SLC16A10: variants seen among roughly 807,000 people sequenced by gnomAD.
SLC16A10 encodes solute carrier family 16 member 10.
A neutral mutation model predicts 40.0 loss-of-function variants in SLC16A10; 27 were observed. The observed-to-expected ratio is 0.67, with a 90% CI of 0.50 to 0.93. The LOEUF is 0.93. Ranked by LOEUF, SLC16A10 falls within the 40% of genes least tolerant of loss-of-function variation. SLC16A10 has a pLI of 0.00. For missense variants in SLC16A10, 529 were observed against 658.2 expected (o/e 0.80, Z 2.15); for synonymous variants, 213 against 249.8 (o/e 0.85, Z 1.39).
chr6:111,103,546 TG>T (rs1239100198), intron 1 of SLC16A10, among the ~76,000 whole-genome samples: 1 of 152,182 alleles, frequency 6.6e-6, no homozygotes, highest in Non-Finnish European at 1.5e-5. Context: ...GCACAAAATA[TG>T]TACTGAGAGC....
intron 1 of SLC16A10, among the ~76,000 whole-genome samples, chr6:111,151,772 C>T (rs1244428286): frequency 6.6e-6 from 1 of 152,190 alleles, no homozygotes; most frequent in Non-Finnish European, 1.5e-5. Flanking sequence ...ATGCTATTCC[C>T]TTTACATGGA....
intron 1 of SLC16A10, among the ~76,000 whole-genome samples, chr6:111,143,992 A>G (rs1458457984): frequency 6.6e-6 from 1 of 152,022 alleles, no homozygotes; most frequent in African/African-American, 2.4e-5. Flanking sequence ...TTTGGATTAT[A>G]ATGATGTTTC....
chr6:111,191,423 T>G, intron 3 of SLC16A10, among the ~76,000 whole-genome samples: 1 of 152,218 alleles, frequency 6.6e-6, no homozygotes, highest in East Asian at 1.9e-4. Flanking sequence ...CTATCACTGA[T>G]GGGCATTTGG....
chr6:111,156,712 A>G (rs1772276603), intron 1 of SLC16A10, among the ~76,000 whole-genome samples: 1 of 152,178 alleles, frequency 6.6e-6, no homozygotes. Context: ...TAGAAAAAGG[A>G]TATTAGTTAA....
chr6:111,140,734 G>A (rs1304066852), intron 1 of SLC16A10, among the ~76,000 whole-genome samples: 1 of 152,062 alleles, frequency 6.6e-6, no homozygotes, highest in Non-Finnish European at 1.5e-5. Context: ...TAATGTTATG[G>A]CATTAAATAA....
chr6:111,171,639 A>G (rs1324753854), intron 1 of SLC16A10, among the ~76,000 whole-genome samples: 1 of 152,076 alleles, frequency 6.6e-6, no homozygotes, highest in African/African-American at 2.4e-5. Flanking sequence ...AACCTGGCAA[A>G]ACCTTGTTTC....
chr6:111,146,255 C>A (rs985471821), intron 1 of SLC16A10, among the ~76,000 whole-genome samples: 8 of 152,108 alleles, frequency 5.3e-5, no homozygotes, highest in Non-Finnish European at 1.2e-4. Context: ...AAGTCACACC[C>A]ATTAGGATGG....
At chr6:111,137,583 G>A (rs1006130801) in intron 1 of SLC16A10, among the ~76,000 whole-genome samples, 3 of 152,184 alleles carry the variant, frequency 2.0e-5, no homozygotes, top group Non-Finnish European at 4.4e-5. Flanking sequence ...CCCTTGGACC[G>A]GCCTGCTAGT....
chr6:111,168,679 A>G (rs961988122), intron 1 of SLC16A10, among the ~76,000 whole-genome samples: 12 of 152,264 alleles, frequency 7.9e-5, no homozygotes, highest in Non-Finnish European at 1.6e-4. Flanking sequence ...ATCAGAAGAC[A>G]GACCTAACTT....
chr6:111,100,971 TCTCTCTC>T (rs1771168830), intron 1 of SLC16A10, among the ~76,000 whole-genome samples: 1 of 122,254 alleles, frequency 8.2e-6, no homozygotes, highest in Non-Finnish European at 1.7e-5. Flanking sequence ...TCTCTCTCTC[TCTCTCTC>T]TCTCTCTCTC....
At chr6:111,173,679 A>T (rs1772628504) in intron 2 of SLC16A10, among the ~76,000 whole-genome samples, 1 of 151,754 alleles carries the variant, frequency 6.6e-6, no homozygotes, top group South Asian at 2.1e-4. Flanking sequence ...TCTAGGTTGC[A>T]CTCCCCTTAT....
intron 1 of SLC16A10, among the ~76,000 whole-genome samples, chr6:111,125,916 A>G (rs755182852): frequency 6.6e-6 from 1 of 152,006 alleles, no homozygotes; most frequent in Non-Finnish European, 1.5e-5. Context: ...AAATCTTTGA[A>G]CTCAAATACT....
rs906114412 is a variant in SLC16A10 at position 111,218,346 on chromosome 6, G to T, written c.1087-468G>T. Among the ~76,000 whole-genome samples the T allele has an allele frequency of 3.3e-5, 5 of 152,168 alleles. No homozygotes were observed. In the South Asian group the frequency reaches 8.3e-4, roughly 25 times the overall value. ...TGTAATCCCAGCACTTTGGGAGGCC[G>T]GGCAGGTGGATCACTTGAGGTCAGG... On this transcript the variant is annotated intron_variant, in intron 4 of 5. Transcript: ENST00000368851.
At chr6:111,099,358 C>T (rs1771131418) in intron 1 of SLC16A10, among the ~76,000 whole-genome samples, 1 of 152,146 alleles carries the variant, frequency 6.6e-6, no homozygotes, top group South Asian at 2.1e-4. Flanking sequence ...CTCTGCTGCC[C>T]AGGCTGAAGC....
chr6:111,136,292 C>T (rs1300921087), intron 1 of SLC16A10, among the ~76,000 whole-genome samples: 1 of 152,162 alleles, frequency 6.6e-6, no homozygotes, highest in Non-Finnish European at 1.5e-5. Context: ...TACACAGGTC[C>T]GAGGGACCAG....
At chr6:111,140,587 G>A (rs138853131) in intron 1 of SLC16A10, among the ~76,000 whole-genome samples, 33 of 152,144 alleles carry the variant, frequency 2.2e-4, no homozygotes, top group Non-Finnish European at 4.0e-4. Context: ...GTCTATGGAG[G>A]TATGTCAGTG....
intron 1 of SLC16A10, among the ~76,000 whole-genome samples, chr6:111,102,845 T>C (rs1417165694): frequency 2.0e-5 from 3 of 152,198 alleles, no homozygotes; most frequent in Non-Finnish European, 4.4e-5. Flanking sequence ...GCTAATTCCG[T>C]TGAAAATATT....
chr6:111,160,567 C>A (rs1178853531), intron 1 of SLC16A10, among the ~76,000 whole-genome samples: 1 of 152,246 alleles, frequency 6.6e-6, no homozygotes, highest in Non-Finnish European at 1.5e-5. Context: ...CGGCCATGGG[C>A]CAAGGCACCC....
intron 4 of SLC16A10, among the ~76,000 whole-genome samples, chr6:111,207,923 A>G (rs776477587): frequency 1.3e-5 from 2 of 152,064 alleles, no homozygotes; most frequent in East Asian, 3.9e-4. Context: ...GGAGCTATTA[A>G]AGGATTTTAA....
Sources: allele counts gnomAD v4.1 joint callset (sites outside exome capture counted in the v4.1 genomes callset), GRCh38; gene constraint gnomAD v4.1.1; transcripts MANE v1.5; gene names NCBI Gene and HGNC (gene_info 2026-07-23, HGNC 2026-07-21).